Variants in COL22A1 observed in about 807,000 individuals in gnomAD.
The protein encoded by COL22A1 is collagen alpha-1(XXII) chain.
COL22A1 carries 221 observed loss-of-function variants against 248.9 expected under a neutral mutation model. The ratio of observed to expected loss-of-function variants is 0.89; its 90% CI spans 0.80 to 0.99. COL22A1 has a LOEUF of 0.99. COL22A1 is among the 50% of genes least tolerant of loss of function. The pLI is 0.00. For synonymous variants in COL22A1, 891 were observed against 793.4 expected (o/e 1.12, Z -2.07); for missense variants, 2,240 against 2,179.0 (o/e 1.03, Z -0.56).
chr8:138,806,089 G>GGTGTGTTT (rs1817660855), intron 10 of COL22A1, among the ~76,000 whole-genome samples: 78 of 6,428 alleles, frequency 0.012, 14 homozygotes, highest in African/African-American at 0.021. Flanking sequence ...TGTGTGTAAT[G>GGTGTGTTT]GTGTGTGATG....
At chr8:138,910,540 C>T (rs1048678498) in intron 1 of COL22A1, among the ~76,000 whole-genome samples, 3 of 152,096 alleles carry the variant, frequency 2.0e-5, no homozygotes, top group Admixed American at 1.3e-4. Context: ...GATAATGGCA[C>T]TTTTCCCATC....
chr8:138,634,537 G>A (rs1316695660), intron 49 of COL22A1, among the ~76,000 whole-genome samples: 1 of 152,142 alleles, frequency 6.6e-6, no homozygotes, highest in East Asian at 1.9e-4. Flanking sequence ...GGTGAGAAGG[G>A]CACCAGTCAA....
chr8:138,630,624 T>C lies in COL22A1; in HGVS notation c.3663+71A>G, dbSNP rs1587715138. On this transcript the variant is annotated intron_variant, in intron 50 of 64. Coordinates refer to ENST00000303045, the MANE Select transcript of COL22A1 (RefSeq NM_152888.3). ...GAGGCACACAGGACAAGAGCAGAAT[T>C]GGCAAACACCTGGGGTTCCAGAAAG... The C allele has an allele frequency of 1.3e-5, 18 of 1,346,598 alleles. No homozygotes were observed. In the East Asian group the frequency reaches 4.1e-4, roughly 31 times the overall value. The allele number at this position is 1,346,598 out of a possible 1,614,324, so 83.4% of individuals were successfully genotyped here.
chr8:138,781,410 T>C (rs1192373401), intron 12 of COL22A1, among the ~76,000 whole-genome samples: 4 of 152,184 alleles, frequency 2.6e-5, no homozygotes, highest in African/African-American at 9.7e-5. Context: ...AGCTGTGCAC[T>C]GTAGGATGCT....
chr8:138,875,926 C>T (rs903992695), intron 3 of COL22A1, among the ~76,000 whole-genome samples: 1 of 152,190 alleles, frequency 6.6e-6, no homozygotes, highest in Non-Finnish European at 1.5e-5. Flanking sequence ...CATCGATTTC[C>T]ACCTCTGTAA....
intron 8 of COL22A1, among the ~76,000 whole-genome samples, chr8:138,812,365 G>A (rs1036500282): frequency 2.0e-5 from 3 of 152,176 alleles, no homozygotes; most frequent in African/African-American, 4.8e-5. Flanking sequence ...CAGGCATTGC[G>A]TGGATCTCAC....
chr8:138,780,734 G>A (rs1241130619), intron 13 of COL22A1, among the ~76,000 whole-genome samples, 193 bp downstream of exon 13: 1 of 152,144 alleles, frequency 6.6e-6, no homozygotes, highest in Non-Finnish European at 1.5e-5. Flanking sequence ...GATACCCGGG[G>A]GGCAAAGCTG....
intron 5 of COL22A1, among the ~76,000 whole-genome samples, chr8:138,830,243 G>A (rs888483188): frequency 2.6e-5 from 4 of 152,188 alleles, no homozygotes; most frequent in Non-Finnish European, 5.9e-5. Flanking sequence ...AGTCTCAAAT[G>A]TTGTACCAGC....
chr8:138,593,410 TA>T (rs1051141978), intron 63 of COL22A1, among the ~76,000 whole-genome samples: 3 of 151,490 alleles, frequency 2.0e-5, no homozygotes, highest in Non-Finnish European at 2.9e-5. Flanking sequence ...AACCTTTTGT[TA>T]AAAAAAAAGT....
intron 30 of COL22A1, among the ~76,000 whole-genome samples, chr8:138,714,797 A>G (rs1332959528): frequency 2.6e-5 from 4 of 152,246 alleles, no homozygotes; most frequent in African/African-American, 9.6e-5. Context: ...CTTGATTTAG[A>G]TACAGTCTGC....
chr8:138,646,248 C>T (rs1822193577), intron 47 of COL22A1, among the ~76,000 whole-genome samples: 1 of 152,288 alleles, frequency 6.6e-6, no homozygotes, highest in South Asian at 2.1e-4. Context: ...AACTGAGTGC[C>T]ACATCCTTTT....
chr8:138,648,100 T>C (rs1247756939), intron 46 of COL22A1, among the ~76,000 whole-genome samples: 6 of 152,178 alleles, frequency 3.9e-5, no homozygotes, highest in African/African-American at 1.4e-4. Context: ...ATGCTGCAAA[T>C]CAAATAAAGG....
rs200035533 is a variant in COL22A1 at position 138,722,092 on chromosome 8, G to T, written c.2248-3C>A. 2.5e-5 allele frequency: 40 copies of T among 1,575,842 alleles called. No homozygotes were observed. In the African/African-American group the frequency reaches 3.9e-4, roughly 15 times the overall value. Reference sequence around the variant, plus strand: ...GGCCCGTCCTTTCCAGGGGGTCCCTGGGCCAAGAGGGGAAAACATAAATAA... The same window carrying T: ...GGCCCGTCCTTTCCAGGGGGTCCCTTGGCCAAGAGGGGAAAACATAAATAA... On this transcript the variant is annotated splice_region_variant and splice_polypyrimidine_tract_variant and intron_variant, in intron 25 of 64. Coordinates refer to ENST00000303045, the MANE Select transcript of COL22A1 (RefSeq NM_152888.3).
chr8:138,776,651 A>C (rs1028193935), intron 15 of COL22A1, among the ~76,000 whole-genome samples: 1 of 150,968 alleles, frequency 6.6e-6, no homozygotes, highest in Non-Finnish European at 1.5e-5. Context: ...ATCCAGGGTC[A>C]CTGGATCCTC....
chr8:138,664,204 C>T (rs575595439), intron 41 of COL22A1, among the ~76,000 whole-genome samples: 5 of 91,000 alleles, frequency 5.5e-5, no homozygotes, highest in South Asian at 8.9e-4. Flanking sequence ...TGCGCGCGCG[C>T]GCGCGCACAC....
At chr8:138,600,382 G>A (rs535367617) in intron 60 of COL22A1, among the ~76,000 whole-genome samples, 1 of 152,300 alleles carries the variant, frequency 6.6e-6, no homozygotes, top group South Asian at 2.1e-4. Context: ...CACAGAAAAG[G>A]AAAACAGTGC....
In COL22A1 at chr8:138,649,748, G is replaced by C. The variant is rs200464636; in HGVS notation, c.3364C>G (p.Pro1122Ala). ...DVCNDCPPGP[P>A]GLPGLPGFKG... is the part of the protein sequence containing the mutation. The stretch of plus-strand genomic sequence containing the variant: ...AAACCTGGTAGACCAGGGAGGCCTG[G>C]GGGGCCAGGAGGGCAGTCATTGCAC... The change falls in exon 46 of 65, where the codon CCA becomes GCA. Residue 1122 changes from proline to alanine, a missense_variant. Transcript: ENST00000303045. 6.8e-6 allele frequency: 11 copies of C among 1,606,428 alleles called. No individual in the cohort carries two copies. In the East Asian group the frequency reaches 2.2e-4, roughly 33 times the overall value.
intron 25 of COL22A1, among the ~76,000 whole-genome samples, chr8:138,723,032 C>T (rs1037842284): frequency 6.6e-6 from 1 of 151,362 alleles, no homozygotes; most frequent in Admixed American, 6.6e-5. Flanking sequence ...GCTTGCACAT[C>T]CTGCACACGT....
At chr8:138,797,079 C>G (rs1026118962) in intron 11 of COL22A1, among the ~76,000 whole-genome samples, 3 of 152,168 alleles carry the variant, frequency 2.0e-5, no homozygotes, top group Admixed American at 2.0e-4. Flanking sequence ...AGTTACTATT[C>G]TTTGTTTCCA....
Sources: allele counts gnomAD v4.1 joint callset (sites outside exome capture counted in the v4.1 genomes callset), GRCh38; gene constraint gnomAD v4.1.1; transcripts MANE v1.5; gene names NCBI Gene and HGNC (gene_info 2026-07-23, HGNC 2026-07-21).